The following ARMCX4 variants were observed in gnomAD, a reference collection of about 807,000 sequenced individuals.
ARMCX4 encodes armadillo repeat-containing X-linked protein 4.
A neutral mutation model predicts 34.7 loss-of-function variants in ARMCX4; 3 were observed. The observed-to-expected ratio is 0.09, with a 90% CI of 0.04 to 0.22. The LOEUF (loss-of-function observed/expected upper bound fraction) is 0.22, where lower values mean the gene tolerates loss of function less well. Among genes scored for constraint, ARMCX4 ranks in the 10% least tolerant of loss-of-function variants. The pLI is 1.00. For missense variants in ARMCX4, 1,448 were observed against 1,720.8 expected (o/e 0.84, Z 2.81); for synonymous variants, 513 against 632.8 (o/e 0.81, Z 2.84).
chrX:101,494,880 C>T lies in ARMCX4; in HGVS notation c.6291C>T (p.Pro2097=). 1 of 1,155,398 alleles carries T rather than the reference C, an allele frequency of 8.7e-7. No individual in the cohort carries two copies. Among genetic ancestry groups the T allele is most frequent in the East Asian group, 3.2e-5 (1 of 30,789 alleles). ...VIESLLNNPY[P]SVRQKALNAL... is the part of the protein sequence containing the mutation. ...AAAGCTTGCTCAATAATCCCTACCC[C>T]AGTGTTAGGCAGAAGGCTTTAAATG... Residue 2097 remains proline, a synonymous_variant, in exon 6 of 6, where the codon CCC becomes CCT. Transcript: ENST00000423738.
At position 101,490,989 on chromosome X, in the gene ARMCX4, C is replaced by A. The variant is rs1175324793; in HGVS notation, c.2400C>A (p.Thr800=). The change falls in exon 6 of 6, where the codon ACC becomes ACA. Residue 800 remains threonine (T), a synonymous_variant. Transcript: ENST00000423738. ...PQAVANSHCE[T]LPGAKNKVRG... ...CTGTGGCTAATTCCCATTGTGAGAC[C>A]TTGCCTGGTGCCAAGAATAAGGTCA... is the stretch of plus-strand genomic sequence containing the variant. 1.7e-6 allele frequency: 2 copies of A among 1,154,152 alleles called. No individual in the cohort carries two copies. The highest frequency in any genetic ancestry group is 2.3e-6 in the Non-Finnish European group (2 of 872,672).
chrX:101,433,615 G>A (rs1930466365), intron 2 of ARMCX4, among the ~76,000 whole-genome samples: 1 of 111,834 alleles, frequency 8.9e-6, no homozygotes, highest in Admixed American at 9.5e-5. Context: ...GTGATTAAAT[G>A]AGAAAATGTC....
intron 2 of ARMCX4, among the ~76,000 whole-genome samples, chrX:101,439,281 G>C (rs1338071543): frequency 9.9e-5 from 11 of 111,656 alleles, no homozygotes; most frequent in African/African-American, 3.6e-4. Flanking sequence ...TTTTCTTTAA[G>C]AATGTTGAAT....
chrX:101,473,151 T>G (rs2147629799), intron 4 of ARMCX4, among the ~76,000 whole-genome samples: 1 of 110,994 alleles, frequency 9.0e-6, no homozygotes, highest in East Asian at 2.8e-4. Flanking sequence ...AGGCAGGGGT[T>G]GCGATCCTAG....
intron 4 of ARMCX4, among the ~76,000 whole-genome samples, chrX:101,472,246 A>G (rs1204447924): frequency 4.8e-5 from 2 of 41,278 alleles, no homozygotes; most frequent in Non-Finnish European, 8.4e-5. Context: ...GTGAGAAGGG[A>G]AGTTTAGAGA....
chrX:101,489,036 C>T lies in ARMCX4; in HGVS notation c.447C>T (p.Thr149=), dbSNP rs1342976158. 1 of 1,156,031 alleles carries T rather than the reference C, an allele frequency of 8.7e-7. No homozygotes were observed. Residue 149 remains threonine (T), a synonymous_variant, in exon 6 of 6, where the codon ACC becomes ACT. Coordinates refer to ENST00000423738, the MANE Select transcript of ARMCX4 (RefSeq NM_001256155.3). ...AREVAMKEAV[T]QTDAEAGKIV... is the part of the protein sequence containing the mutation. ...AAGTGGCCATGAAAGAAGCAGTGAC[C>T]CAAACTGATGCTGAGGCTGGCAAAA... is the stretch of plus-strand genomic sequence containing the variant.
At chrX:101,441,101 C>T (rs1313285031) in intron 2 of ARMCX4, among the ~76,000 whole-genome samples, 4 of 111,167 alleles carry the variant, frequency 3.6e-5, no homozygotes, top group African/African-American at 6.5e-5. Flanking sequence ...TGTTCCTATT[C>T]GGCCATCTTG....
rs782613951 is a variant in ARMCX4 at position 101,493,142 on chromosome X, C to T, written c.4553C>T (p.Thr1518Met). The part of the protein sequence containing the change: ...GWFCVCPGSQ[T>M]NGGSWGGASG... ...TTCTGTGTTTGCCCTGGGAGTCAGA[C>T]GAATGGAGGGTCTTGGGGTGGGGCT... The change falls in exon 6 of 6, where the codon ACG (threonine) becomes ATG (methionine). Residue 1518 changes from threonine (T) to methionine (M), a missense_variant. Transcript: ENST00000423738. The T allele has an allele frequency of 3.2e-5, 37 of 1,151,811 alleles. No individual in the cohort carries two copies. Among genetic ancestry groups the T allele is most frequent in the African/African-American group, 1.1e-4 (6 of 54,822 alleles). The allele number at this position is 1,151,811 out of a possible 1,213,427, so 94.9% of individuals were successfully genotyped here.
intron 11 of ARMCX4, chrX:101,516,440 C>T (rs1267674714): frequency 6.3e-5 from 7 of 111,601 alleles, no homozygotes; most frequent in Non-Finnish European, 9.4e-5. Context: ...AAAATTGGGG[C>T]CTGATCCACA....
intron 2 of ARMCX4, among the ~76,000 whole-genome samples, chrX:101,436,755 T>C (rs1930807523): frequency 9.0e-6 from 1 of 111,641 alleles, no homozygotes; most frequent in African/African-American, 3.3e-5. Context: ...AGTTTTTGCC[T>C]ATTCAGTATG....
At chrX:101,434,369 T>G (rs1169790773) in intron 2 of ARMCX4, among the ~76,000 whole-genome samples, 2 of 107,516 alleles carry the variant, frequency 1.9e-5, no homozygotes, top group Non-Finnish European at 3.8e-5. Context: ...TGCCTCAGCC[T>G]CCCGAGTAGC....
In ARMCX4 at chrX:101,466,534, T is replaced by G. The variant is rs187584841; in HGVS notation, c.-472-19489T>G. 6.2e-5 allele frequency among the ~76,000 whole-genome samples: 7 copies of G among 112,424 alleles called. 1 individual carries two copies. The highest frequency in any genetic ancestry group is 5.7e-4 in the Admixed American group (6 of 10,592). Reference sequence around the variant, plus strand: ...TAAATTGTACTATACAATGGCATACTACTTAGCAATAAGAAGGACCAAGCA... The same window carrying G: ...TAAATTGTACTATACAATGGCATACGACTTAGCAATAAGAAGGACCAAGCA... On this transcript the variant is annotated intron_variant and NMD_transcript_variant, in intron 4 of 15. Transcript: ENST00000433011.
intron 5 of ARMCX4, 129 bp from the exon 6 acceptor site, chrX:101,488,315 A>C: frequency 1.7e-6 from 1 of 585,002 alleles, no homozygotes; most frequent in Non-Finnish European, 2.5e-6. Flanking sequence ...AGGAATGGAG[A>C]GGCTGCTAAT....
chrX:101,430,386 T>A (rs2147521866), intron 2 of ARMCX4, among the ~76,000 whole-genome samples: 1 of 112,176 alleles, frequency 8.9e-6, no homozygotes, highest in Non-Finnish European at 1.9e-5. Context: ...TTTAAGGAGG[T>A]CTAATCAACT....
intron 2 of ARMCX4, among the ~76,000 whole-genome samples, chrX:101,439,710 G>A (rs1179532273): frequency 7.2e-5 from 8 of 111,092 alleles, no homozygotes; most frequent in East Asian, 5.6e-4. Context: ...TTCTCTTCTC[G>A]CTTCATTTCA....
intron 11 of ARMCX4, among the ~76,000 whole-genome samples, chrX:101,517,551 A>C (rs782656598): frequency 9.0e-6 from 1 of 111,601 alleles, no homozygotes; most frequent in South Asian, 3.8e-4. Flanking sequence ...CTGGGACTGC[A>C]AGGGTGAGCC....
At chrX:101,515,381 T>TTCTTTCTTTCTTTCTTTCTTTCCTTC (rs782141206) in intron 11 of ARMCX4, among the ~76,000 whole-genome samples, 2 of 12,268 alleles carry the variant, frequency 1.6e-4, no homozygotes, top group Admixed American at 1.1e-3. Context: ...CTTTCTTTCT[T>TTCTTTCTTTCTTTCTTTCTTTCCTTC]TTTCTTTCTT....
downstream of ARMCX4, among the ~76,000 whole-genome samples, chrX:101,446,606 A>G (rs182718268): frequency 3.9e-3 from 436 of 111,188 alleles, no homozygotes; most frequent in Non-Finnish European, 4.3e-3. Context: ...TCAGGAATCT[A>G]GGAGTGGTTA....
Position 101,439,248 on chromosome X carries a change from A to C in ARMCX4, n.165-4804A>C, listed in dbSNP as rs371822316. ...GTTATGAAGCTTAGTTTGGCTGGATATGAAATTCTGGGTTGAAAATTCTTT... is the reference window on the plus strand; with the variant it reads ...GTTATGAAGCTTAGTTTGGCTGGATCTGAAATTCTGGGTTGAAAATTCTTT... On this transcript the variant is annotated intron_variant and non_coding_transcript_variant, in intron 2 of 3. Transcript: ENST00000430461. Among the ~76,000 whole-genome samples, 13 of 111,634 alleles carry C rather than the reference A, an allele frequency of 1.2e-4. No individual in the cohort carries two copies. In the East Asian group the frequency reaches 3.7e-3, roughly 31 times the overall value.
Sources: gnomAD v4.1 joint callset for allele counts (sites outside exome capture counted in the v4.1 genomes callset) on GRCh38, gnomAD v4.1.1 for gene constraint, MANE v1.5 for transcripts, NCBI Gene and HGNC (gene_info 2026-07-23, HGNC 2026-07-21) for gene names.